ADAMTS10: variants seen among roughly 807,000 people sequenced by gnomAD.
The protein encoded by ADAMTS10 is ADAM metallopeptidase with thrombospondin type 1 motif 10.
ADAMTS10 carries 48 observed loss-of-function variants against 135.9 expected under a neutral mutation model. The ratio of observed to expected loss-of-function variants is 0.35; its 90% CI spans 0.28 to 0.45. The LOEUF (loss-of-function observed/expected upper bound fraction) is 0.45. ADAMTS10 is among the 20% of genes least tolerant of loss of function. The pLI is 1.00. For synonymous variants in ADAMTS10, 621 were observed against 647.5 expected (o/e 0.96, Z 0.62); for missense variants, 1,131 against 1,565.2 (o/e 0.72, Z 4.68).
chr19:8,590,960 G>A (rs532521402), intron 15 of ADAMTS10, among the ~76,000 whole-genome samples: 49 of 152,314 alleles, frequency 3.2e-4, no homozygotes, highest in African/African-American at 1.1e-3. Flanking sequence ...GTGCTAGCAT[G>A]TGGATTCTCT....
At chr19:8,595,698 T>TGCCTCCCCC in intron 12 of ADAMTS10, 64 bp downstream of exon 12, 5 of 1,291,948 alleles carry the variant, frequency 3.9e-6, no homozygotes, top group Middle Eastern at 2.5e-4. Flanking sequence ...CTGGTGGAGT[T>TGCCTCCCCC]CCCTCCCCCA....
chr19:8,589,997 G>A lies in ADAMTS10; in HGVS notation c.1798-6C>T, dbSNP rs186791828. 1,768 of 1,608,562 alleles carry A rather than the reference G, an allele frequency of 1.1e-3. 15 individuals are homozygous for A. The highest frequency in any genetic ancestry group is 7.4e-3 in the South Asian group (672 of 90,986). ...TGGGAGCCAGGGGGACAGTCCTGGG[G>A]GCAGGAGAGGAGAGATGGAGGGAGG... On this transcript the variant is annotated splice_region_variant and splice_polypyrimidine_tract_variant and intron_variant, in intron 15 of 25. Coordinates refer to ENST00000597188, the MANE Select transcript of ADAMTS10 (RefSeq NM_030957.4).
intron 12 of ADAMTS10, chr19:8,595,549 C>T: frequency 2.8e-6 from 2 of 706,032 alleles, no homozygotes; most frequent in Admixed American, 2.4e-5. Context: ...CAGGTGATCC[C>T]ATTTTTGTTC....
At position 8,601,026 on chromosome 19, in the gene ADAMTS10, C is replaced by G. The variant is rs781936094; in HGVS notation, c.712G>C (p.Glu238Gln). The part of the protein sequence containing the change: ...QPGLKRSVSR[E>Q]RYVETLVVAD... ...ACCACCAGGGTCTCCACGTAGCGCT[C>G]TCGGCTGACCGATCGCTTCAGGCCT... is the stretch of plus-strand genomic sequence containing the variant. Residue 238 changes from glutamate to glutamine, a missense_variant, in exon 6 of 26, where the codon GAG becomes CAG. Glu to Gln is a conservative substitution (Grantham distance 29). Transcript: ENST00000597188. The surrounding 1 kb of genome is among the most constrained non-coding windows in gnomAD (Gnocchi z 4.6). The G allele has an allele frequency of 1.2e-6, 2 of 1,614,194 alleles. No homozygotes were observed. The highest frequency in any genetic ancestry group is 3.3e-5 in the Admixed American group (2 of 60,036).
rs373459011 is a variant in ADAMTS10, at chr19:8,585,597, C to G, written c.2724G>C (p.Ser908=). ...CAGAGACGCGGCGCTGGCACACGAC[C>G]GAGCGGCTGCGCACGCCTGCATCGC... ...RSCDAGVRSR[S]VVCQRRVSAA... Residue 908 remains serine (S), a synonymous_variant, in exon 23 of 26, where the codon TCG becomes TCC. Transcript: ENST00000597188. 6.2e-7 allele frequency: 1 copy of G among 1,610,300 alleles called. No homozygotes were observed. The highest frequency in any genetic ancestry group is 2.2e-5 in the East Asian group (1 of 44,812).
intron 22 of ADAMTS10, 75 bp downstream of exon 22, chr19:8,586,047 C>T (rs1227297945): frequency 6.2e-7 from 1 of 1,608,326 alleles, no homozygotes; most frequent in Non-Finnish European, 8.5e-7. Context: ...CCCCACCCCC[C>T]TGGAGCACTC....
At chr19:8,610,347 C>G (rs1214118116) in intron 1 of ADAMTS10, among the ~76,000 whole-genome samples, 1 of 149,746 alleles carries the variant, frequency 6.7e-6, no homozygotes, top group Non-Finnish European at 1.5e-5. Context: ...TCCAAACACA[C>G]AGACACACAA....
chr19:8,600,500 C>CTT (rs797035354), intron 6 of ADAMTS10, among the ~76,000 whole-genome samples: 3,300 of 129,710 alleles, frequency 0.025, 75 homozygotes, highest in East Asian at 0.073. Flanking sequence ...TCTTTCTTTT[C>CTT]TTTTTTTTTT....
chr19:8,601,228 A>G lies in ADAMTS10; in HGVS notation c.593-83T>C. The G allele has an allele frequency of 7.0e-7, 1 of 1,438,756 alleles. No homozygotes were observed. 89.1% of individuals were successfully genotyped at this position (1,438,756 alleles called of 1,614,324 possible). A position where few individuals can be genotyped will look rare whatever the true frequency, so the allele number is the denominator to read the frequency against. On this transcript the variant is annotated intron_variant, in intron 5 of 25. Transcript: ENST00000597188. The surrounding 1 kb of genome is among the most constrained non-coding windows in gnomAD (Gnocchi z 4.6). ...TGACAACTGTCTTGTCCAACCTCTGACTGGCTACCTCTCTACCCAACAGTC... is the reference window on the plus strand; with the variant it reads ...TGACAACTGTCTTGTCCAACCTCTGGCTGGCTACCTCTCTACCCAACAGTC...
At chr19:8,596,000 T>A in intron 11 of ADAMTS10, 73 bp downstream of exon 11, 1 of 1,613,856 alleles carries the variant, frequency 6.2e-7, no homozygotes, top group Middle Eastern at 1.7e-4. Context: ...ATCCCTGATT[T>A]CTATCGTCTC....
At position 8,592,067 on chromosome 19, in the gene ADAMTS10, G is replaced by C; in HGVS notation, c.1624C>G (p.Arg542Gly). 6.2e-7 allele frequency: 1 copy of C among 1,613,670 alleles called. No individual in the cohort carries two copies. The highest frequency in any genetic ancestry group is 2.2e-5 in the East Asian group (1 of 44,874). Residue 542 changes from arginine to glycine, a missense_variant, in exon 14 of 26, where the codon CGC becomes GGC. By Grantham distance (125) the Arg-to-Gly change is moderately radical. Around this residue, in one of 3 missense-constraint regions of ADAMTS10, gnomAD observed 745 missense variants for 1,056.3 expected, o/e 0.71. Transcript: ENST00000597188. Reference sequence around the variant, plus strand: ...CAGGCTCCGTCCACACCCTCTGGGCGCGACCCAAAGGGGACACAGACCCGT... The same window carrying C: ...CAGGCTCCGTCCACACCCTCTGGGCCCGACCCAAAGGGGACACAGACCCGT... ...YKRVCVPFGSRPEGVDGAWGP... is the reference protein window; with the variant it reads ...YKRVCVPFGSGPEGVDGAWGP...
At chr19:8,603,939 G>A (rs1159927209) in intron 4 of ADAMTS10, 55 bp from the exon 5 acceptor site, 6 of 1,505,594 alleles carry the variant, frequency 4.0e-6, no homozygotes, top group East Asian at 4.6e-5. Flanking sequence ...TGGAGCTTAG[G>A]ACCCCTGGGA....
chr19:8,583,278 T>C (rs1555736154), intron 25 of ADAMTS10, among the ~76,000 whole-genome samples: 1 of 150,618 alleles, frequency 6.6e-6, no homozygotes, highest in Admixed American at 6.6e-5. Context: ...CGGTGGCTCA[T>C]GCCTGTAATC....
chr19:8,589,523 C>A lies in ADAMTS10; in HGVS notation c.1963G>T (p.Ala655Ser). 6.2e-7 allele frequency: 1 copy of A among 1,613,414 alleles called. No homozygotes were observed. Reference protein sequence around the residue: ...AEGFNFYTERAAAVVDGTPCR... With the variant: ...AEGFNFYTERSAAVVDGTPCR... ...GGTGTCCCGTCCACCACGGCTGCCG[C>A]CCTCTCCGTGTAGAAGTTGAAGCCT... Residue 655 changes from alanine to serine, a missense_variant, in exon 17 of 26, where the codon GCG (alanine) becomes TCG (serine). Ala to Ser is a moderately conservative substitution (Grantham distance 99). Transcript: ENST00000597188.
chr19:8,592,494 T>C (rs782692504), intron 13 of ADAMTS10, among the ~76,000 whole-genome samples: 8 of 141,760 alleles, frequency 5.6e-5, no homozygotes, highest in Non-Finnish European at 9.2e-5. Flanking sequence ...GCCAGAGCCG[T>C]GGGAATCATT....
chr19:8,607,068 G>C (rs1420038160), intron 2 of ADAMTS10, among the ~76,000 whole-genome samples: 4 of 152,110 alleles, frequency 2.6e-5, no homozygotes, highest in African/African-American at 2.4e-5. Flanking sequence ...GGGTGCAGGA[G>C]AGCAAGGGGA....
chr19:8,592,691 C>G, intron 13 of ADAMTS10, 72 bp downstream of exon 13: 1 of 1,422,264 alleles, frequency 7.0e-7, no homozygotes, highest in East Asian at 2.4e-5. Flanking sequence ...GAAGGACAGG[C>G]GGGTAGGCGT....
chr19:8,609,828 TC>T (rs2042761565), intron 1 of ADAMTS10, among the ~76,000 whole-genome samples: 1 of 150,244 alleles, frequency 6.7e-6, no homozygotes. Context: ...AGACCGGCGC[TC>T]GGGCACTGTA....
At chr19:8,609,258 G>GTA (rs2042755290) in intron 1 of ADAMTS10, among the ~76,000 whole-genome samples, 2 of 149,826 alleles carry the variant, frequency 1.3e-5, no homozygotes, top group East Asian at 4.0e-4. Context: ...GTGTGTGTGT[G>GTA]TACCCAGGCC....
Sources: allele counts gnomAD v4.1 joint callset (sites outside exome capture counted in the v4.1 genomes callset), GRCh38; gene constraint gnomAD v4.1.1; regional missense constraint gnomAD v4.1.1; non-coding constraint Gnocchi (gnomAD v3.1); transcripts MANE v1.5; gene names NCBI Gene and HGNC (gene_info 2026-07-23, HGNC 2026-07-21).